NEK4: variants seen among roughly 807,000 people sequenced by gnomAD.
NEK4 encodes serine/threonine-protein kinase Nek4.
Under a neutral mutation model 98.4 loss-of-function variants are expected in NEK4, and 86 were observed. The observed-to-expected ratio is 0.87, with a 90% CI of 0.73 to 1.05. NEK4 has a LOEUF of 1.05. NEK4 is among the 50% of genes least tolerant of loss of function. The probability of loss-of-function intolerance (pLI) is 0.00; values close to 1 mark genes in which losing one functional copy is unlikely to be tolerated. For synonymous variants in NEK4, 328 were observed against 342.2 expected, an observed-to-expected ratio of 0.96 and a Z score of 0.46; for missense variants, 898 against 950.3, an observed-to-expected ratio of 0.94 and a Z score of 0.72.
chr3:52,736,245 T>TA (rs1446079381), intron 15 of NEK4, among the ~76,000 whole-genome samples: 1 of 152,212 alleles, frequency 6.6e-6, no homozygotes, highest in African/African-American at 2.4e-5. Context: ...TTTCTTCTGA[T>TA]ATTTTAAAAA....
At chr3:52,735,332 A>C (rs958534341) in intron 15 of NEK4, among the ~76,000 whole-genome samples, 1 of 152,266 alleles carries the variant, frequency 6.6e-6, no homozygotes, top group Non-Finnish European at 1.5e-5. Context: ...CAGTTTACTC[A>C]GAATTTCCAA....
chr3:52,760,918 G>T lies in NEK4; in HGVS notation c.840C>A (p.Asn280Lys). The T allele has an allele frequency of 6.3e-7, 1 of 1,581,620 alleles. No homozygotes were observed. The highest frequency in any genetic ancestry group is 8.6e-7 in the Non-Finnish European group (1 of 1,164,120). Residue 280 changes from asparagine to lysine, a missense_variant, in exon 6 of 16, where the codon AAC becomes AAA. Transcript: ENST00000233027. The part of the protein sequence containing the change: ...EATKIKTSKN[N>K]IKNGDSQSKP... The stretch of plus-strand genomic sequence containing the variant: ...TGGATTGAGAGTCACCATTTTTAAT[G>T]TTATTTTTGGAGGTTTTTCTTTATA...
At chr3:52,769,112 G>A (rs1301780967) in intron 1 of NEK4, among the ~76,000 whole-genome samples, 1 of 152,034 alleles carries the variant, frequency 6.6e-6, no homozygotes, top group African/African-American at 2.4e-5. Flanking sequence ...CCAGCAACTC[G>A]GGAGGCTGAC....
intron 11 of NEK4, 56 bp from the exon 12 acceptor site, chr3:52,743,517 G>A: frequency 2.2e-6 from 3 of 1,374,484 alleles, no homozygotes; most frequent in Non-Finnish European, 3.1e-6. Context: ...CAGTTGAAAA[G>A]GGCTTTGTAT....
Position 52,766,044 on chromosome 3 carries a change from AT to A in NEK4, c.559-51del, listed in dbSNP as rs545838961. The A allele has an allele frequency of 1.7e-4, 242 of 1,462,450 alleles. No individual in the cohort carries two copies. In the African/African-American group the frequency reaches 2.3e-3, roughly 14 times the overall value. 90.6% of individuals were successfully genotyped at this position (1,462,450 alleles called of 1,614,324 possible). A position where few individuals can be genotyped will look rare whatever the true frequency, so the allele number is the denominator to read the frequency against. ...TTAAATGTCAGAATAGCTTATTTACATTTTTTTCCCTTTAAAAAAAGAAAAC... is the reference window on the plus strand; with the variant it reads ...TTAAATGTCAGAATAGCTTATTTACATTTTTTCCCTTTAAAAAAAGAAAAC... On this transcript the variant is annotated intron_variant, in intron 3 of 15. Coordinates refer to ENST00000233027, the MANE Select transcript of NEK4 (RefSeq NM_003157.6).
chr3:52,758,178 C>CAAAA (rs35117059), intron 6 of NEK4, among the ~76,000 whole-genome samples: 409 of 62,370 alleles, frequency 6.6e-3, no homozygotes, highest in East Asian at 8.6e-3. Context: ...GACACCATCT[C>CAAAA]AAAAAAAAAA....
intron 6 of NEK4, among the ~76,000 whole-genome samples, chr3:52,752,637 C>T (rs1380684863): frequency 6.6e-6 from 1 of 151,926 alleles, no homozygotes; most frequent in Non-Finnish European, 1.5e-5. Context: ...CGGTGGCTCA[C>T]ACCTGTAATC....
chr3:52,722,125 C>G (rs2097360645), intron 15 of NEK4, among the ~76,000 whole-genome samples: 1 of 152,162 alleles, frequency 6.6e-6, no homozygotes, highest in East Asian at 1.9e-4. Flanking sequence ...ATTCTGAGCC[C>G]ATAAAAAGCC....
rs1698738414 is a variant in NEK4 at position 52,770,519 on chromosome 3, G to C, written c.93+135C>G. The C allele has an allele frequency of 5.9e-6, 4 of 676,490 alleles. No individual in the cohort carries two copies. The East Asian group carries it at 1.1e-4, about 19-fold the overall frequency. The allele number at this position is 676,490 out of a possible 1,614,324, so 41.9% of individuals were successfully genotyped here. A position where few individuals can be genotyped will look rare whatever the true frequency, so the allele number is the denominator to read the frequency against. ...TACAGGGAGGCCAGGCCTCGTCTTG[G>C]TCTGGGACCATTTCCCTGAGGAAAC... On this transcript the variant is annotated intron_variant, in intron 1 of 15. Transcript: ENST00000233027.
chr3:52,718,797 A>G (rs2097357536), intron 15 of NEK4, among the ~76,000 whole-genome samples: 1 of 152,132 alleles, frequency 6.6e-6, no homozygotes, highest in East Asian at 1.9e-4. Flanking sequence ...CTCGTTGCCC[A>G]GGCTGGAGTG....
At chr3:52,741,147 A>T (rs541363481) in intron 13 of NEK4, among the ~76,000 whole-genome samples, 1 of 151,648 alleles carries the variant, frequency 6.6e-6, no homozygotes, top group Non-Finnish European at 1.5e-5. Flanking sequence ...GAGTCAGGAG[A>T]ACGGTGTGAA....
intron 15 of NEK4, among the ~76,000 whole-genome samples, chr3:52,728,842 TG>T (rs2097366976): frequency 6.6e-6 from 1 of 152,196 alleles, no homozygotes; most frequent in Non-Finnish European, 1.5e-5. Context: ...ACGGCTGCTC[TG>T]GGAGTGTCTG....
rs1372467949 is a variant in NEK4 at position 52,768,396 on chromosome 3, T to C, written c.302A>G (p.Gln101Arg). Residue 101 changes from glutamine (Q) to arginine (R), a missense_variant, in exon 2 of 16, where the codon CAG (glutamine) becomes CGG (arginine). Coordinates refer to ENST00000233027, the MANE Select transcript of NEK4 (RefSeq NM_003157.6). ...LYRKLKEQKG[Q>R]LLPENQVVEW... Reference sequence around the variant, plus strand: ...TACCACCTGATTCTCAGGCAGAAGCTGCCCTTTCTGCTCCTTGAGCTTTCG... The same window carrying C: ...TACCACCTGATTCTCAGGCAGAAGCCGCCCTTTCTGCTCCTTGAGCTTTCG... 1.9e-6 allele frequency: 3 copies of C among 1,614,082 alleles called. No individual in the cohort carries two copies. The highest frequency in any genetic ancestry group is 2.5e-6 in the Non-Finnish European group (3 of 1,179,928).
Position 52,746,184 on chromosome 3 carries a change from C to CA in NEK4, c.1703dup (p.Leu568PhefsTer20). On this transcript the variant is annotated frameshift_variant, in exon 10 of 16. Transcript: ENST00000233027. LOFTEE classifies it high-confidence loss of function. ...CTTTCCCAACAATGGGATGAGAAGGCAAAAATCGAGGAGGCGACTCTTGGA... is the reference window on the plus strand; with the variant it reads ...CTTTCCCAACAATGGGATGAGAAGGCAAAAAATCGAGGAGGCGACTCTTGGA... 1.2e-6 allele frequency: 2 copies of CA among 1,612,700 alleles called. No individual in the cohort carries two copies. The highest frequency in any genetic ancestry group is 8.5e-7 in the Non-Finnish European group (1 of 1,179,634).
At chr3:52,770,378 A>G (rs1333394768) in intron 1 of NEK4, among the ~76,000 whole-genome samples, 2 of 151,514 alleles carry the variant, frequency 1.3e-5, no homozygotes, top group South Asian at 2.1e-4. Context: ...AAAGAAGTAG[A>G]TAGGCAGAGA....
At chr3:52,719,039 G>A (rs1275006905) in intron 15 of NEK4, among the ~76,000 whole-genome samples, 1 of 152,228 alleles carries the variant, frequency 6.6e-6, no homozygotes, top group Non-Finnish European at 1.5e-5. Context: ...ATACAGGGAT[G>A]AGCCATCGCG....
chr3:52,765,167 A>G lies in NEK4; in HGVS notation c.666+720T>C, dbSNP rs139936014. Among the ~76,000 whole-genome samples, 828 of 152,138 alleles carry G rather than the reference A, an allele frequency of 5.4e-3. 13 individuals are homozygous for G. In the South Asian group the frequency reaches 0.067, roughly 12 times the overall value. ...GGAGTTCGAGACCATCCTGGCCAAC[A>G]TGGTGAAACCCCGTCTGTACTAAAA... On this transcript the variant is annotated intron_variant, in intron 4 of 15. Transcript: ENST00000233027.
intron 10 of NEK4, among the ~76,000 whole-genome samples, 176 bp from the exon 11 acceptor site, chr3:52,744,481 C>T (rs1189062942): frequency 6.6e-6 from 1 of 152,060 alleles, no homozygotes; most frequent in African/African-American, 2.4e-5. Context: ...GTCAGGAGTT[C>T]GAGGCCAGAC....
chr3:52,723,933 C>G (rs1426397831), intron 15 of NEK4, among the ~76,000 whole-genome samples: 1 of 152,144 alleles, frequency 6.6e-6, no homozygotes, highest in Non-Finnish European at 1.5e-5. Context: ...ACATTATAAT[C>G]AAACTGTAAA....
Sources: gnomAD v4.1 joint callset for allele counts (sites outside exome capture counted in the v4.1 genomes callset) on GRCh38, gnomAD v4.1.1 for gene constraint, MANE v1.5 for transcripts, NCBI Gene and HGNC (gene_info 2026-07-23, HGNC 2026-07-21) for gene names.